The following GSN variants were observed in gnomAD, a reference collection of about 807,000 sequenced individuals.
GSN encodes the protein gelsolin.
GSN carries 56 observed loss-of-function variants against 85.7 expected under a neutral mutation model. The observed-to-expected ratio is 0.65, with a 90% CI of 0.53 to 0.82. The LOEUF (loss-of-function observed/expected upper bound fraction) is 0.82. Among genes scored for constraint, GSN ranks in the 40% least tolerant of loss-of-function variants. The probability of loss-of-function intolerance (pLI) is 0.00; values close to 1 mark genes in which losing one functional copy is unlikely to be tolerated. For synonymous variants in GSN, 373 were observed against 399.1 expected (o/e 0.93, Z 0.78); for missense variants, 857 against 979.8 (o/e 0.87, Z 1.67).
At chr9:121,237,834 T>C (rs1466073711) in intron 5 of GSN, among the ~76,000 whole-genome samples, 2 of 152,218 alleles carry the variant, frequency 1.3e-5, no homozygotes, top group Non-Finnish European at 2.9e-5. Context: ...ACTATATCAC[T>C]GTGTACAATG....
intron 6 of GSN, among the ~76,000 whole-genome samples, chr9:121,257,768 G>T (rs1315823594): frequency 6.6e-6 from 1 of 152,230 alleles, no homozygotes; most frequent in Non-Finnish European, 1.5e-5. Flanking sequence ...CTACTCAGGA[G>T]GCTGAGGCAG....
At chr9:121,228,895 T>G (rs562703126) in intron 4 of GSN, among the ~76,000 whole-genome samples, 3 of 152,294 alleles carry the variant, frequency 2.0e-5, no homozygotes, top group South Asian at 2.1e-4. Flanking sequence ...TCTGTTTCTC[T>G]CTCTCTTCCT....
rs369548874 is a variant in GSN at position 121,329,219 on chromosome 9, C to T, written c.1888-19C>T. 4 of 1,584,454 alleles carry T rather than the reference C, an allele frequency of 2.5e-6. No homozygotes were observed. Among genetic ancestry groups the T allele is most frequent in the Non-Finnish European group, 3.5e-6 (4 of 1,152,966 alleles). ...GGGGAGGGAAGACATCTCACTGATGCTCTTTCGTTCCTTCCCAGATCGAAG... is the reference window on the plus strand; with the variant it reads ...GGGGAGGGAAGACATCTCACTGATGTTCTTTCGTTCCTTCCCAGATCGAAG... On this transcript the variant is annotated intron_variant, in intron 15 of 17. Coordinates refer to ENST00000432226, the MANE Select transcript of GSN (RefSeq NM_198252.3). This position sits in a 1 kb window ranked among gnomAD's most constrained non-coding sequence, Gnocchi z 4.6.
intron 3 of GSN, among the ~76,000 whole-genome samples, chr9:121,302,380 A>T (rs919379349): frequency 6.6e-6 from 1 of 152,130 alleles, no homozygotes; most frequent in Non-Finnish European, 1.5e-5. Flanking sequence ...TTGGCAAGTC[A>T]CTTAGTGTCC....
chr9:121,268,260 T>A (rs2055345187), intron 1 of GSN, 41 bp downstream of exon 1: 2 of 151,224 alleles, frequency 1.3e-5, no homozygotes. Flanking sequence ...CATCTGGGGG[T>A]CCCGGGCTGA....
At chr9:121,291,482 G>T (rs1039923218) in intron 2 of GSN, among the ~76,000 whole-genome samples, 1 of 142,478 alleles carries the variant, frequency 7.0e-6, no homozygotes, top group African/African-American at 2.6e-5. Context: ...GCAGTGGCGC[G>T]ATCTCGGCTC....
intron 11 of GSN, among the ~76,000 whole-genome samples, chr9:121,322,282 T>C (rs996831052): frequency 6.6e-6 from 1 of 152,144 alleles, no homozygotes; most frequent in Non-Finnish European, 1.5e-5. Context: ...ACACAAAAGG[T>C]AGCATACTTT....
At chr9:121,308,925 T>A (rs1192450215) in intron 4 of GSN, 1 of 152,268 alleles carries the variant, frequency 6.6e-6, no homozygotes, top group Non-Finnish European at 1.5e-5. Context: ...GGACTCCGTT[T>A]GTCCCTTGCC....
intron 6 of GSN, 61 bp from the exon 7 acceptor site, chr9:121,313,873 C>A: frequency 1.5e-6 from 2 of 1,322,862 alleles, no homozygotes; most frequent in Non-Finnish European, 1.1e-6. Flanking sequence ...TGGGAGCTAT[C>A]TCAGGAGCCT....
chr9:121,220,083 A>T (rs569079216), intron 4 of GSN, among the ~76,000 whole-genome samples: 1 of 152,096 alleles, frequency 6.6e-6, no homozygotes, highest in African/African-American at 2.4e-5. Context: ...GGGTTTCTCC[A>T]TGTTGGTCAG....
intron 1 of GSN, among the ~76,000 whole-genome samples, chr9:121,271,664 G>T (rs1356805162): frequency 6.6e-6 from 1 of 152,228 alleles, no homozygotes. Context: ...GCTTTTATGA[G>T]GGGTGGGTGT....
chr9:121,327,327 C>A lies in GSN; in HGVS notation c.1607C>A (p.Ala536Glu). The change falls in exon 14 of 18, where the codon GCA becomes GAA. Residue 536 changes from alanine to glutamate, a missense_variant. Transcript: ENST00000432226. ...TCCCAGGTATTGCCTAAGGCTGGTG[C>A]ACTGAACTCCAACGATGCCTTTGTT... Reference protein sequence around the residue: ...RAVEVLPKAGALNSNDAFVLK... With the variant: ...RAVEVLPKAGELNSNDAFVLK... 1.2e-6 allele frequency: 2 copies of A among 1,613,958 alleles called. No individual in the cohort carries two copies. The highest frequency in any genetic ancestry group is 1.7e-6 in the Non-Finnish European group (2 of 1,179,860).
At chr9:121,289,951 G>A (rs1435812185) in intron 2 of GSN, among the ~76,000 whole-genome samples, 1 of 152,180 alleles carries the variant, frequency 6.6e-6, no homozygotes, top group Non-Finnish European at 1.5e-5. Flanking sequence ...AGAGTTTAAG[G>A]GAGTGAGGGA....
intron 2 of GSN, among the ~76,000 whole-genome samples, chr9:121,289,191 C>T (rs56259066): frequency 2.3e-3 from 343 of 151,668 alleles, no homozygotes; most frequent in African/African-American, 8.0e-3. Context: ...TTTTTTTCTC[C>T]CTCCTCCTCC....
At chr9:121,243,559 A>G (rs1236564421) in intron 5 of GSN, among the ~76,000 whole-genome samples, 2 of 152,158 alleles carry the variant, frequency 1.3e-5, no homozygotes, top group African/African-American at 4.8e-5. Flanking sequence ...TTGAGGTATA[A>G]TGTACATATA....
At chr9:121,270,990 G>A (rs2055857657) in intron 1 of GSN, among the ~76,000 whole-genome samples, 1 of 152,172 alleles carries the variant, frequency 6.6e-6, no homozygotes, top group African/African-American at 2.4e-5. Context: ...GGTTCTTTGG[G>A]TGACCTTGGG....
the GSN span, among the ~76,000 whole-genome samples, chr9:121,202,148 C>T: frequency 6.6e-6 from 1 of 152,192 alleles, no homozygotes; most frequent in South Asian, 2.1e-4. Flanking sequence ...CGCAGGTCTG[C>T]GTGGAACCTG....
In GSN at chr9:121,318,466, C is replaced by A. The variant is rs139028645; in HGVS notation, c.947C>A (p.Thr316Asn). Reference sequence around the variant, plus strand: ...CTCAAAACAGCCTCTGACTTCATCACCAAGATGGACTACCCCAAGCAGACT... The same window carrying A: ...CTCAAAACAGCCTCTGACTTCATCAACAAGATGGACTACCCCAAGCAGACT... The part of the protein sequence containing the change: ...AALKTASDFI[T>N]KMDYPKQTQV... Residue 316 changes from threonine to asparagine, a missense_variant, in exon 9 of 18, where the codon ACC (threonine) becomes AAC (asparagine). Thr to Asn is a moderately conservative substitution (Grantham distance 65, BLOSUM62 0). Transcript: ENST00000432226. The surrounding 1 kb of genome is among the most constrained non-coding windows in gnomAD (Gnocchi z 4.3). 6.4e-5 allele frequency: 103 copies of A among 1,613,886 alleles called. No individual in the cohort carries two copies. The African/African-American group carries it at 1.0e-3, about 16-fold the overall frequency.
intron 1 of GSN, among the ~76,000 whole-genome samples, chr9:121,276,941 TA>T (rs201067511): frequency 1.4e-4 from 20 of 147,502 alleles, no homozygotes; most frequent in Admixed American, 1.4e-4. Flanking sequence ...TAAAGTATAA[TA>T]AAAAAAAAAG....
Sources: allele counts gnomAD v4.1 joint callset (sites outside exome capture counted in the v4.1 genomes callset), GRCh38; gene constraint gnomAD v4.1.1; non-coding constraint Gnocchi (gnomAD v3.1); transcripts MANE v1.5; gene names NCBI Gene and HGNC (gene_info 2026-07-23, HGNC 2026-07-21).